SEMA5A: variants seen among roughly 807,000 people sequenced by gnomAD.
The protein encoded by SEMA5A is semaphorin-5A.
A neutral mutation model predicts 135.5 loss-of-function variants in SEMA5A; 55 were observed. The ratio of observed to expected loss-of-function variants is 0.41; its 90% CI spans 0.33 to 0.51. SEMA5A has a LOEUF of 0.51. SEMA5A is among the 20% of genes least tolerant of loss of function. SEMA5A has a pLI of 0.37. For missense variants in SEMA5A, 1,290 were observed against 1,419.9 expected (o/e 0.91, Z 1.47); for synonymous variants, 580 against 546.5 (o/e 1.06, Z -0.85).
chr5:9,110,670 G>A (rs1013550568), intron 15 of SEMA5A, among the ~76,000 whole-genome samples: 2 of 152,180 alleles, frequency 1.3e-5, no homozygotes, highest in Admixed American at 1.3e-4. Context: ...GGGGGTGAAG[G>A]AGCCTCCGGA....
intron 16 of SEMA5A, among the ~76,000 whole-genome samples, chr5:9,100,539 C>T (rs1472438073): frequency 2.6e-5 from 4 of 152,146 alleles, no homozygotes; most frequent in East Asian, 3.9e-4. Context: ...GTTCTGCTGC[C>T]CTTAGCAGTG....
intron 2 of SEMA5A, among the ~76,000 whole-genome samples, chr5:9,428,088 G>GTGTA (rs1324813231): frequency 4.1e-5 from 6 of 145,672 alleles, no homozygotes; most frequent in African/African-American, 1.5e-4. Flanking sequence ...ATATGTGTGT[G>GTGTA]TATATATATA....
chr5:9,414,458 A>C (rs935290022), intron 2 of SEMA5A, among the ~76,000 whole-genome samples: 3 of 152,216 alleles, frequency 2.0e-5, no homozygotes, highest in Admixed American at 2.0e-4. Context: ...ACAGATCTAC[A>C]TCCAGTGGTC....
chr5:9,452,897 C>T (rs1428608611), intron 1 of SEMA5A, among the ~76,000 whole-genome samples: 2 of 152,126 alleles, frequency 1.3e-5, no homozygotes, highest in African/African-American at 4.8e-5. Context: ...TCTAATACAT[C>T]ATCCAGGAAG....
At chr5:9,542,345 AG>A (rs779973699) in intron 1 of SEMA5A, among the ~76,000 whole-genome samples, 17 of 152,244 alleles carry the variant, frequency 1.1e-4, no homozygotes, top group Non-Finnish European at 1.9e-4. Flanking sequence ...CAATTTTAAA[AG>A]GTTGCTGAGA....
chr5:9,205,897 G>A (rs1745988122), intron 8 of SEMA5A, among the ~76,000 whole-genome samples: 1 of 152,144 alleles, frequency 6.6e-6, no homozygotes, highest in East Asian at 1.9e-4. Flanking sequence ...TTGAAATTCG[G>A]CTAGCATCCT....
chr5:9,110,537 A>C (rs1051876001), intron 15 of SEMA5A, among the ~76,000 whole-genome samples: 8 of 152,222 alleles, frequency 5.3e-5, no homozygotes, highest in African/African-American at 1.7e-4. Flanking sequence ...TGAAAGTACA[A>C]TATGGCAACT....
chr5:9,108,151 C>T lies in SEMA5A; in HGVS notation c.2062G>A (p.Gly688Ser), dbSNP rs752132189. 10 of 1,613,902 alleles carry T rather than the reference C, an allele frequency of 6.2e-6. No homozygotes were observed. Residue 688 changes from glycine (G) to serine (S), a missense_variant, in exon 16 of 23, where the codon GGC becomes AGC. By Grantham distance (56) the Gly-to-Ser change is moderately conservative. Coordinates refer to ENST00000382496, the MANE Select transcript of SEMA5A (RefSeq NM_003966.3). ...AGAAGGCTACTCACCACATTGCAGC[C>T]TGCACAGTCAGGCCCATTCTCACAG... is the stretch of plus-strand genomic sequence containing the variant. ...RICENGPDCA[G>S]CNVEYQSCNT...
At chr5:9,423,551 TCTTG>T (rs1757543677) in intron 2 of SEMA5A, among the ~76,000 whole-genome samples, 1 of 152,250 alleles carries the variant, frequency 6.6e-6, no homozygotes, top group Admixed American at 6.5e-5. Flanking sequence ...CAGTGCCAAA[TCTTG>T]TTTTCACTAA....
At chr5:9,147,138 G>A (rs747906966) in intron 12 of SEMA5A, among the ~76,000 whole-genome samples, 5 of 152,236 alleles carry the variant, frequency 3.3e-5, no homozygotes, top group Middle Eastern at 3.4e-3. Context: ...GACCTTTAGA[G>A]CAATAAACAT....
At chr5:9,316,666 A>G (rs1343149058) in intron 5 of SEMA5A, among the ~76,000 whole-genome samples, 2 of 152,322 alleles carry the variant, frequency 1.3e-5, no homozygotes, top group East Asian at 3.9e-4. Flanking sequence ...TTTTTTAATT[A>G]GCAAATAAAA....
At chr5:9,124,950 A>T (rs1365050019) in intron 13 of SEMA5A, among the ~76,000 whole-genome samples, 1 of 152,128 alleles carries the variant, frequency 6.6e-6, no homozygotes, top group African/African-American at 2.4e-5. Flanking sequence ...CACATGAAAC[A>T]ACTCACAGGA....
chr5:9,046,369 C>T (rs970421533), intron 21 of SEMA5A, among the ~76,000 whole-genome samples: 2 of 152,196 alleles, frequency 1.3e-5, no homozygotes, highest in East Asian at 1.9e-4. Context: ...CTGGGTGCAT[C>T]GTAACCACCC....
chr5:9,180,808 A>C (rs1744466905), intron 11 of SEMA5A, among the ~76,000 whole-genome samples: 1 of 152,178 alleles, frequency 6.6e-6, no homozygotes, highest in African/African-American at 2.4e-5. Context: ...CAGGGAGAAA[A>C]GAAAATTAGA....
intron 21 of SEMA5A, among the ~76,000 whole-genome samples, chr5:9,049,319 G>A (rs561207493): frequency 6.6e-6 from 1 of 152,170 alleles, no homozygotes. Flanking sequence ...GTGCCATCAT[G>A]CCAGCTAATT....
intron 12 of SEMA5A, among the ~76,000 whole-genome samples, chr5:9,139,931 T>G (rs1027681045): frequency 6.6e-6 from 1 of 151,940 alleles, no homozygotes; most frequent in Admixed American, 6.6e-5. Context: ...TTTATCCACT[T>G]GAAATGTATT....
At chr5:9,055,781 T>G (rs1030328770) in intron 18 of SEMA5A, among the ~76,000 whole-genome samples, 1 of 152,154 alleles carries the variant, frequency 6.6e-6, no homozygotes, top group African/African-American at 2.4e-5. Context: ...AGTTATACGG[T>G]ATATCAGACA....
rs571530040 is a variant in SEMA5A, at chr5:9,159,889, C to G, written c.1274-5194G>C. 1.2e-4 allele frequency among the ~76,000 whole-genome samples: 19 copies of G among 152,252 alleles called. No individual in the cohort carries two copies. In the East Asian group the frequency reaches 3.3e-3, roughly 26 times the overall value. On this transcript the variant is annotated intron_variant, in intron 11 of 22. Coordinates refer to ENST00000382496, the MANE Select transcript of SEMA5A (RefSeq NM_003966.3). The stretch of plus-strand genomic sequence containing the variant: ...ACGCAGCCATAAAAAGCAATAAGAT[C>G]ACGTCCTTTTCAGGGACATAGATGA...
chr5:9,142,534 TCATTA>T (rs1326407081), intron 12 of SEMA5A, among the ~76,000 whole-genome samples: 3 of 152,238 alleles, frequency 2.0e-5, no homozygotes, highest in African/African-American at 7.2e-5. Flanking sequence ...ACTTCTATTA[TCATTA>T]CAATGATTGT....
Sources: allele counts gnomAD v4.1 joint callset (sites outside exome capture counted in the v4.1 genomes callset), GRCh38; gene constraint gnomAD v4.1.1; transcripts MANE v1.5; gene names NCBI Gene and HGNC (gene_info 2026-07-23, HGNC 2026-07-21).